TRAPPC3L: variants seen among roughly 807,000 people sequenced by gnomAD.
TRAPPC3L encodes the protein trafficking protein particle complex subunit 3L.
TRAPPC3L carries 23 observed loss-of-function variants against 23.7 expected under a neutral mutation model. The ratio of observed to expected loss-of-function variants is 0.97; its 90% confidence interval spans 0.70 to 1.37. The LOEUF (loss-of-function observed/expected upper bound fraction) is 1.37, where lower values mean the gene tolerates loss of function less well. Ranked by LOEUF, TRAPPC3L falls within the 40% of genes most tolerant of loss-of-function variation. TRAPPC3L has a pLI of 0.00. For missense variants in TRAPPC3L, 212 were observed against 216.8 expected (o/e 0.98, Z 0.14); for synonymous variants, 81 against 77.9 (o/e 1.04, Z -0.21).
At chr6:116,514,277 G>A (rs2115166903) in intron 3 of TRAPPC3L, among the ~76,000 whole-genome samples, 1 of 152,236 alleles carries the variant, frequency 6.6e-6, no homozygotes. Context: ...AGATGAGATG[G>A]CGTACAGAAG....
intron 3 of TRAPPC3L, chr6:116,517,866 G>A (rs1272424168): frequency 6.6e-6 from 1 of 152,090 alleles, no homozygotes; most frequent in African/African-American, 2.4e-5. Context: ...GATCACAAAT[G>A]GATAATGATT....
intron 3 of TRAPPC3L, among the ~76,000 whole-genome samples, chr6:116,533,060 G>T (rs1027547622): frequency 1.3e-5 from 2 of 152,202 alleles, no homozygotes; most frequent in African/African-American, 4.8e-5. Context: ...TTCACTGGGT[G>T]GTAGCTTAAG....
In TRAPPC3L at chr6:116,540,278, T is replaced by C. The variant is rs571404479; in HGVS notation, c.240+85A>G. ...CCTAACAATGAATGCAGATGGAACC[T>C]GTCCAATCTGAACAGAAAACCACCA... is the stretch of plus-strand genomic sequence containing the variant. On this transcript the variant is annotated intron_variant, in intron 3 of 4. Transcript: ENST00000368602. 5 of 1,251,680 alleles carry C rather than the reference T, an allele frequency of 4.0e-6. No individual in the cohort carries two copies. In the South Asian group the frequency reaches 7.0e-5, roughly 18 times the overall value. 77.5% of individuals were successfully genotyped at this position (1,251,680 alleles called of 1,614,324 possible).
rs1773247909 is a variant in TRAPPC3L, at chr6:116,538,736, T to TTC, written c.240+1626_240+1627insGA. Among the ~76,000 whole-genome samples, 5 of 146,078 alleles carry TTC rather than the reference T, an allele frequency of 3.4e-5. No individual in the cohort carries two copies. The South Asian group carries it at 1.1e-3, about 31-fold the overall frequency. The stretch of plus-strand genomic sequence containing the variant: ...GACAAAGTCTTAAATCTTTCTTTCT[T>TTC]TTTTTTTTTTTTTGAAACAGGGTCT... On this transcript the variant is annotated intron_variant, in intron 3 of 4. Transcript: ENST00000368602.
intron 3 of TRAPPC3L, chr6:116,528,933 G>A (rs994249349): frequency 6.6e-6 from 1 of 152,216 alleles, no homozygotes; most frequent in Admixed American, 6.5e-5. Flanking sequence ...TATCTGATAA[G>A]TTTCCTTTGT....
At chr6:116,526,666 T>C (rs754479962) in intron 3 of TRAPPC3L, among the ~76,000 whole-genome samples, 41 of 152,130 alleles carry the variant, frequency 2.7e-4, no homozygotes, top group Admixed American at 6.5e-4. Context: ...AAACTAAACA[T>C]TACACCAGGC....
chr6:116,501,611 G>T (rs185549181), intron 3 of TRAPPC3L, among the ~76,000 whole-genome samples: 1 of 152,170 alleles, frequency 6.6e-6, no homozygotes, highest in Admixed American at 6.5e-5. Context: ...ACATCTCCCC[G>T]TGGGAGCTGA....
chr6:116,511,557 G>A (rs1016672881), intron 3 of TRAPPC3L: 3 of 735,984 alleles, frequency 4.1e-6, no homozygotes, highest in Non-Finnish European at 6.7e-6. Context: ...CCTAAGGAAT[G>A]ACATTGTTTC....
intron 2 of TRAPPC3L, among the ~76,000 whole-genome samples, chr6:116,543,038 G>A (rs749287233): frequency 6.6e-6 from 1 of 152,014 alleles, no homozygotes; most frequent in African/African-American, 2.4e-5. Context: ...GCTTATAAGC[G>A]ACTCTTAAGT....
At chr6:116,544,956 G>T (rs973938576) in intron 1 of TRAPPC3L, among the ~76,000 whole-genome samples, 3 of 151,854 alleles carry the variant, frequency 2.0e-5, no homozygotes, top group African/African-American at 7.3e-5. Context: ...AAAAAATAAG[G>T]TTTATAAATA....
intron 3 of TRAPPC3L, 36 bp from the exon 4 acceptor site, chr6:116,500,702 C>A: frequency 1.3e-6 from 2 of 1,533,390 alleles, no homozygotes; most frequent in Non-Finnish European, 8.8e-7. Context: ...AAAACTTGGT[C>A]TAGAACAAAT....
chr6:116,511,676 T>C, intron 3 of TRAPPC3L: 1 of 1,605,808 alleles, frequency 6.2e-7, no homozygotes, highest in South Asian at 1.1e-5. Context: ...GCACAGCATT[T>C]TCCCTCTGTG....
At chr6:116,520,103 G>A (rs1419465514) in intron 3 of TRAPPC3L, 2 of 152,044 alleles carry the variant, frequency 1.3e-5, no homozygotes, top group African/African-American at 2.4e-5. Context: ...GACCTTTAAA[G>A]CATCACTAAA....
chr6:116,525,456 T>C (rs1772427327), intron 3 of TRAPPC3L, among the ~76,000 whole-genome samples: 1 of 152,182 alleles, frequency 6.6e-6, no homozygotes, highest in Non-Finnish European at 1.5e-5. Flanking sequence ...AAATGACAAT[T>C]GATATAGAAG....
chr6:116,514,335 C>G (rs9384982), intron 3 of TRAPPC3L, among the ~76,000 whole-genome samples: 58,192 of 151,764 alleles, frequency 0.38, 12,678 homozygotes, highest in East Asian at 0.54. Flanking sequence ...GAAGGAGGAA[C>G]ATATAAGGTA....
chr6:116,532,821 T>C (rs74826723), intron 3 of TRAPPC3L, among the ~76,000 whole-genome samples: 2,313 of 152,344 alleles, frequency 0.015, 30 homozygotes, highest in Non-Finnish European at 0.023. Context: ...GCTTTCATAA[T>C]AAAGGTAGGT....
intron 3 of TRAPPC3L, among the ~76,000 whole-genome samples, chr6:116,509,423 T>A (rs1003654981): frequency 2.6e-5 from 4 of 152,156 alleles, no homozygotes; most frequent in African/African-American, 9.7e-5. Flanking sequence ...TCTGGAGGCA[T>A]CACATTACCT....
chr6:116,507,636 T>TGAGA (rs770528215), intron 3 of TRAPPC3L, among the ~76,000 whole-genome samples: 12 of 152,302 alleles, frequency 7.9e-5, no homozygotes, highest in Non-Finnish European at 1.6e-4. Flanking sequence ...ACGGGTTTGG[T>TGAGA]ACTGTCTGCA....
rs1242203233 is a variant in TRAPPC3L at position 116,500,625 on chromosome 6, G to A, written c.282C>T (p.Thr94=). ...ATTCATTTTTGCTTGAATTGTTACA[G>A]GTCACACTTGGTGTAATTCCCAGGT... ...KMYLGITPSV[T]CNNSSKNEFS... The change falls in exon 4 of 5, where the codon ACC becomes ACT. Residue 94 remains threonine, a synonymous_variant. Coordinates refer to ENST00000368602, the MANE Select transcript of TRAPPC3L (RefSeq NM_001139444.3). The A allele has an allele frequency of 1.3e-6, 2 of 1,551,452 alleles. No homozygotes were observed. The highest frequency in any genetic ancestry group is 2.7e-5 in the African/African-American group (2 of 73,038).
Sources: allele counts gnomAD v4.1 joint callset (sites outside exome capture counted in the v4.1 genomes callset), GRCh38; gene constraint gnomAD v4.1.1; transcripts MANE v1.5; gene names NCBI Gene and HGNC (gene_info 2026-07-23, HGNC 2026-07-21).